FBXW11: variants seen among roughly 807,000 people sequenced by gnomAD.
The protein encoded by FBXW11 is F-box/WD repeat-containing protein 11.
FBXW11 carries 19 observed loss-of-function variants against 77.6 expected under a neutral mutation model. That is an observed-to-expected ratio of 0.24 (90% CI 0.17 to 0.36). The LOEUF is 0.36. FBXW11 is among the 10% of genes least tolerant of loss of function. FBXW11 has a pLI of 1.00. For synonymous variants in FBXW11, 235 were observed against 249.4 expected, an observed-to-expected ratio of 0.94 and a Z score of 0.54; for missense variants, 334 against 704.2, an observed-to-expected ratio of 0.47 and a Z score of 5.95.
At chr5:171,923,904 C>T (rs1761735646) in intron 2 of FBXW11, among the ~76,000 whole-genome samples, 1 of 135,376 alleles carries the variant, frequency 7.4e-6, no homozygotes. Context: ...GCGGTGAAAC[C>T]CCACCTTTTT....
intron 1 of FBXW11, among the ~76,000 whole-genome samples, chr5:171,960,091 C>T (rs566299385): frequency 6.6e-5 from 10 of 152,176 alleles, no homozygotes; most frequent in African/African-American, 2.4e-4. Context: ...AAGGACTACA[C>T]CTAGCCAGGT....
intron 2 of FBXW11, among the ~76,000 whole-genome samples, chr5:171,922,458 A>G (rs1479712537): frequency 2.6e-5 from 4 of 152,212 alleles, no homozygotes; most frequent in Non-Finnish European, 5.9e-5. Context: ...AGCCAGAAGT[A>G]TTCATTTTGA....
chr5:171,942,874 G>T (rs1762821060), intron 2 of FBXW11, among the ~76,000 whole-genome samples: 1 of 151,654 alleles, frequency 6.6e-6, no homozygotes, highest in Admixed American at 6.6e-5. Flanking sequence ...AAAAATAAGG[G>T]GTTCATCCAT....
chr5:171,878,227 A>G, intron 7 of FBXW11, 98 bp from the exon 8 acceptor site: 1 of 818,964 alleles, frequency 1.2e-6, no homozygotes, highest in Non-Finnish European at 2.0e-6. Flanking sequence ...AATAAAACAC[A>G]CTTGGGTTAC....
chr5:171,923,817 G>T (rs1009080393), intron 2 of FBXW11, among the ~76,000 whole-genome samples: 2 of 145,670 alleles, frequency 1.4e-5, no homozygotes, highest in East Asian at 4.1e-4. Flanking sequence ...CAATTTTCCT[G>T]ACTATACAGA....
At chr5:171,945,457 C>G (rs751934192) in intron 2 of FBXW11, among the ~76,000 whole-genome samples, 1 of 152,164 alleles carries the variant, frequency 6.6e-6, no homozygotes, top group Non-Finnish European at 1.5e-5. Flanking sequence ...GTCACAAGCT[C>G]TCTCTCCCTC....
At chr5:172,004,077 A>G (rs1032785534) in intron 1 of FBXW11, among the ~76,000 whole-genome samples, 1 of 152,038 alleles carries the variant, frequency 6.6e-6, no homozygotes, top group African/African-American at 2.4e-5. Flanking sequence ...ACCAATGTAA[A>G]AAATATTTTT....
At chr5:171,935,495 T>C (rs2113117837) in intron 2 of FBXW11, among the ~76,000 whole-genome samples, 1 of 152,054 alleles carries the variant, frequency 6.6e-6, no homozygotes, top group East Asian at 1.9e-4. Flanking sequence ...CTCCAGGTAA[T>C]AGGGGAAACT....
chr5:171,920,211 T>C (rs528693924), intron 2 of FBXW11, among the ~76,000 whole-genome samples: 4 of 152,170 alleles, frequency 2.6e-5, no homozygotes, highest in Admixed American at 2.6e-4. Context: ...ACAGTTACTC[T>C]GTCTTCATAA....
intron 2 of FBXW11, among the ~76,000 whole-genome samples, chr5:171,930,464 T>A (rs1178577030): frequency 6.6e-6 from 1 of 152,122 alleles, no homozygotes; most frequent in Non-Finnish European, 1.5e-5. Flanking sequence ...AATATACAGA[T>A]TGAGAAGAAA....
intron 6 of FBXW11, among the ~76,000 whole-genome samples, chr5:171,897,885 A>C (rs557420382): frequency 7.2e-4 from 110 of 152,312 alleles, no homozygotes; most frequent in Middle Eastern, 3.4e-3. Context: ...ACCTAAGATT[A>C]AAGTTAACAC....
intron 1 of FBXW11, among the ~76,000 whole-genome samples, chr5:171,978,824 T>G (rs1372393093): frequency 6.6e-6 from 1 of 152,184 alleles, no homozygotes; most frequent in Non-Finnish European, 1.5e-5. Context: ...ACAGCTAATT[T>G]TAACACTTCT....
chr5:171,950,690 A>C (rs1299155174), intron 2 of FBXW11, among the ~76,000 whole-genome samples: 1 of 152,166 alleles, frequency 6.6e-6, no homozygotes, highest in Non-Finnish European at 1.5e-5. Context: ...GTTCGAGAAC[A>C]GCCTGGCCAA....
At chr5:171,977,854 C>A in intron 1 of FBXW11, 1 of 226,892 alleles carries the variant, frequency 4.4e-6, no homozygotes, top group South Asian at 4.5e-5. Flanking sequence ...GGGGTCCCTC[C>A]CACAACACAT....
chr5:172,005,965 T>G (rs1317574238), intron 1 of FBXW11, among the ~76,000 whole-genome samples: 1 of 152,084 alleles, frequency 6.6e-6, no homozygotes, highest in Non-Finnish European at 1.5e-5. Context: ...CACACAGACC[T>G]AGGCTGGGGA....
chr5:171,884,571 T>C (rs543031535), intron 7 of FBXW11, among the ~76,000 whole-genome samples: 5 of 152,372 alleles, frequency 3.3e-5, no homozygotes, highest in South Asian at 2.1e-4. Flanking sequence ...TATCTAATTC[T>C]GTGAAGAATG....
At chr5:171,958,119 T>C (rs1268873623) in intron 1 of FBXW11, among the ~76,000 whole-genome samples, 3 of 152,194 alleles carry the variant, frequency 2.0e-5, no homozygotes, top group African/African-American at 7.2e-5. Flanking sequence ...CAAAAAGTGC[T>C]ATTTGCCCAG....
chr5:171,911,320 T>C (rs1760870445), intron 3 of FBXW11, among the ~76,000 whole-genome samples: 1 of 152,216 alleles, frequency 6.6e-6, no homozygotes, highest in Non-Finnish European at 1.5e-5. Flanking sequence ...GATTGCTGGG[T>C]CCCACCCTAG....
chr5:171,903,828 A>T (rs886662286), intron 4 of FBXW11, among the ~76,000 whole-genome samples: 18 of 152,040 alleles, frequency 1.2e-4, no homozygotes, highest in African/African-American at 3.4e-4. Context: ...TTTAAAAAAA[A>T]TTTTAGTAGA....
Sources: gnomAD v4.1 joint callset for allele counts (sites outside exome capture counted in the v4.1 genomes callset) on GRCh38, gnomAD v4.1.1 for gene constraint, MANE v1.5 for transcripts, NCBI Gene and HGNC (gene_info 2026-07-23, HGNC 2026-07-21) for gene names.